Variants in LIPJ observed in about 807,000 individuals in gnomAD.
LIPJ encodes lipase member J.
A neutral mutation model predicts 39.8 loss-of-function variants in LIPJ; 33 were observed. The ratio of observed to expected loss-of-function variants is 0.83; its 90% CI spans 0.63 to 1.11. The LOEUF (loss-of-function observed/expected upper bound fraction) is 1.11. LIPJ is among the 50% of genes least tolerant of loss of function. The pLI is 0.00. For synonymous variants in LIPJ, 128 were observed against 139.2 expected, an observed-to-expected ratio of 0.92 and a Z score of 0.57; for missense variants, 422 against 427.9, an observed-to-expected ratio of 0.99 and a Z score of 0.12.
chr10:88,596,648 CT>C (rs1851263511), intron 7 of LIPJ, 141 bp from the exon 8 acceptor site: 1 of 890,912 alleles, frequency 1.1e-6, no homozygotes, highest in Non-Finnish European at 1.7e-6. Context: ...CCACACCCTG[CT>C]TCCAAGTTTT....
chr10:88,603,118 G>A, intron 9 of LIPJ, among the ~76,000 whole-genome samples: 1 of 152,038 alleles, frequency 6.6e-6, no homozygotes, highest in East Asian at 1.9e-4. Flanking sequence ...TAAAATGTTA[G>A]TATCATAATT....
chr10:88,608,761 G>C (rs1851715847), downstream of LIPJ, among the ~76,000 whole-genome samples: 1 of 152,134 alleles, frequency 6.6e-6, no homozygotes, highest in African/African-American at 2.4e-5. Context: ...CAGGAAAATA[G>C]GGTCCAAAGG....
At chr10:88,592,338 C>T (rs149662015) in intron 4 of LIPJ, 2 of 151,892 alleles carry the variant, frequency 1.3e-5, no homozygotes, top group Admixed American at 1.3e-4. Context: ...GCTATGACCT[C>T]ATTTTACAAG....
upstream of LIPJ, chr10:88,583,338 C>T: frequency 7.1e-7 from 1 of 1,404,186 alleles, no homozygotes; most frequent in Non-Finnish European, 9.2e-7. Context: ...TCCGGCCGGC[C>T]TGCAGGGGGC....
At chr10:88,597,993 ACT>A (rs755535633) in intron 8 of LIPJ, among the ~76,000 whole-genome samples, 30 of 151,878 alleles carry the variant, frequency 2.0e-4, no homozygotes, top group Non-Finnish European at 4.4e-4. Context: ...AAAAGCTTAC[ACT>A]CTGGTTTTCT....
At chr10:88,590,847 T>G in intron 3 of LIPJ, 151 bp downstream of exon 3, 1 of 570,270 alleles carries the variant, frequency 1.8e-6, no homozygotes. Context: ...AGTTTCTCCT[T>G]CAGCCTTATT....
chr10:88,591,347 A>T (rs1851072826), intron 3 of LIPJ, 31 bp from the exon 4 acceptor site: 2 of 1,554,958 alleles, frequency 1.3e-6, no homozygotes, highest in African/African-American at 2.8e-5. Context: ...TAACAATTTT[A>T]TGCTAAAAGA....
chr10:88,598,938 A>G (rs1351365373), intron 8 of LIPJ, among the ~76,000 whole-genome samples: 6 of 130,956 alleles, frequency 4.6e-5, no homozygotes, highest in African/African-American at 1.5e-4. Flanking sequence ...ATAATATAAT[A>G]TTTTATATTG....
At chr10:88,606,965 T>G in exon 11 of LIPJ, 1 of 1,381,562 alleles carries the variant, frequency 7.2e-7, no homozygotes, top group Non-Finnish European at 9.4e-7. Flanking sequence ...ATCCAATTCT[T>G]ATTTTTTTTT....
chr10:88,600,168 A>C (rs1851424857), intron 8 of LIPJ, among the ~76,000 whole-genome samples: 1 of 152,154 alleles, frequency 6.6e-6, no homozygotes, highest in South Asian at 2.1e-4. Flanking sequence ...TACCAGTTTA[A>C]CTGGGGTTCA....
chr10:88,596,968 T>C lies in LIPJ; in HGVS notation c.723+32T>C, dbSNP rs1215259834. 3.3e-6 allele frequency: 4 copies of C among 1,217,652 alleles called. No individual in the cohort carries two copies. In the African/African-American group the frequency reaches 4.6e-5, roughly 14 times the overall value. 75.4% of individuals were successfully genotyped at this position (1,217,652 alleles called of 1,614,324 possible). On this transcript the variant is annotated intron_variant, in intron 8 of 10. Coordinates refer to ENST00000371939, the Ensembl canonical transcript of LIPJ. ...ACAAGTTGTATTTGAAATATATATA[T>C]TTTCCAATATTTGGAAAGTATAATA... is the stretch of plus-strand genomic sequence containing the variant.
At chr10:88,587,446 A>G (rs137996193) in intron 2 of LIPJ, 54 bp downstream of exon 2, 1 of 152,242 alleles carries the variant, frequency 6.6e-6, no homozygotes, top group African/African-American at 2.4e-5. Context: ...CAAACTAATC[A>G]TTTTAATGGC....
rs1488936829 is a variant in LIPJ at position 88,602,030 on chromosome 10, A to G, written c.724-546A>G. On this transcript the variant is annotated intron_variant, in intron 8 of 10. Transcript: ENST00000371939. ...ACATTATGGCTTTACCTTGGGCACT[A>G]TAGAATTTGAGGCCCTTATGGAGAG... Among the ~76,000 whole-genome samples the G allele has an allele frequency of 3.3e-5, 5 of 152,302 alleles. No individual in the cohort carries two copies. The South Asian group carries it at 6.2e-4, about 19-fold the overall frequency.
the LIPJ span, among the ~76,000 whole-genome samples, chr10:88,621,000 G>A: frequency 1.3e-5 from 2 of 152,064 alleles, no homozygotes; most frequent in African/African-American, 4.8e-5. Context: ...TTCTTAATGG[G>A]CAGTAATCCA....
chr10:88,590,761 A>C, intron 3 of LIPJ, 65 bp downstream of exon 3: 1 of 1,229,592 alleles, frequency 8.1e-7, no homozygotes, highest in Non-Finnish European at 1.2e-6. Context: ...TCAAATTTGG[A>C]ATTTTAACTT....
At chr10:88,600,958 A>G (rs1564937140) in intron 8 of LIPJ, among the ~76,000 whole-genome samples, 3 of 151,202 alleles carry the variant, frequency 2.0e-5, no homozygotes, top group Non-Finnish European at 4.4e-5. Context: ...TTTATTTTTT[A>G]TTTTTTTTGA....
At chr10:88,605,530 C>T (rs1590089804) in intron 9 of LIPJ, 103 bp from the exon 10 acceptor site, 1 of 759,584 alleles carries the variant, frequency 1.3e-6, no homozygotes, top group Non-Finnish European at 2.3e-6. Context: ...TAAATACCAG[C>T]AGACCCAGTA....
At chr10:88,598,250 A>G (rs1175253879) in intron 8 of LIPJ, among the ~76,000 whole-genome samples, 2 of 152,010 alleles carry the variant, frequency 1.3e-5, no homozygotes, top group African/African-American at 4.8e-5. Context: ...CCAGTATGAA[A>G]AACCAAAAGA....
chr10:88,602,863 G>A (rs772034865), intron 9 of LIPJ, among the ~76,000 whole-genome samples: 15 of 152,116 alleles, frequency 9.9e-5, no homozygotes, highest in East Asian at 1.9e-4. Flanking sequence ...AGGCCGAGGC[G>A]GGTGGATCAC....
Sources: allele counts gnomAD v4.1 joint callset (sites outside exome capture counted in the v4.1 genomes callset), GRCh38; gene constraint gnomAD v4.1.1; transcripts MANE v1.5; gene names NCBI Gene and HGNC (gene_info 2026-07-23, HGNC 2026-07-21).